EPG5: variants seen among roughly 807,000 people sequenced by gnomAD.
EPG5 encodes the protein ectopic P-granules 5 autophagy tethering factor.
A neutral mutation model predicts 302.7 loss-of-function variants in EPG5; 159 were observed. The ratio of observed to expected loss-of-function variants is 0.53; its 90% CI spans 0.46 to 0.60. EPG5 has a LOEUF of 0.60. EPG5 is among the 20% of genes least tolerant of loss of function. The pLI, the probability that EPG5 is intolerant of heterozygous loss-of-function variation, is 0.00. For synonymous variants in EPG5, 1,158 were observed against 1,136.8 expected (o/e 1.02, Z -0.37); for missense variants, 2,896 against 3,092.4 (o/e 0.94, Z 1.51).
At chr18:45,835,440 C>T in the EPG5 span, among the ~76,000 whole-genome samples, 2 of 151,966 alleles carry the variant, frequency 1.3e-5, no homozygotes, top group African/African-American at 4.8e-5. Context: ...ACACAAGGGC[C>T]AAAGTAACTA....
At chr18:45,876,122 A>C in intron 35 of EPG5, 114 bp downstream of exon 35, 1 of 689,808 alleles carries the variant, frequency 1.4e-6, no homozygotes. Flanking sequence ...ACTTTTCTTC[A>C]GTCACAAATA....
chr18:45,882,515 T>C (rs777903806), intron 30 of EPG5, 28 bp from the exon 31 acceptor site: 1 of 1,580,698 alleles, frequency 6.3e-7, no homozygotes, highest in South Asian at 1.1e-5. Context: ...CAAAAAGCCG[T>C]TTTATTTGCA....
the EPG5 span, among the ~76,000 whole-genome samples, chr18:45,810,305 A>T: frequency 6.6e-6 from 1 of 152,144 alleles, no homozygotes; most frequent in Admixed American, 6.6e-5. Context: ...ATTGGTACCA[A>T]TCCTATTGAC....
chr18:45,817,495 G>T, the EPG5 span, among the ~76,000 whole-genome samples: 2 of 152,222 alleles, frequency 1.3e-5, no homozygotes, highest in Non-Finnish European at 2.9e-5. Flanking sequence ...CAACTTAGCT[G>T]AGTGGCTGGG....
intron 28 of EPG5, among the ~76,000 whole-genome samples, chr18:45,888,439 G>A (rs932347683): frequency 4.6e-5 from 7 of 152,152 alleles, no homozygotes; most frequent in Non-Finnish European, 7.4e-5. Context: ...AAGGAACTGG[G>A]ATTACAGGCA....
chr18:45,835,827 C>T, the EPG5 span, among the ~76,000 whole-genome samples: 1 of 152,100 alleles, frequency 6.6e-6, no homozygotes, highest in South Asian at 2.1e-4. Context: ...CACCTGGAGC[C>T]CCCAGGCTCA....
At chr18:45,801,955 T>C in the EPG5 span, among the ~76,000 whole-genome samples, 1 of 152,138 alleles carries the variant, frequency 6.6e-6, no homozygotes, top group South Asian at 2.1e-4. Flanking sequence ...CTGAGGGCTC[T>C]CTGGGTCCTG....
In EPG5 at chr18:45,912,156, CAGAG is replaced by C. The variant is rs67738770; in HGVS notation, c.3983+130_3983+133del. Reference sequence around the variant, plus strand: ...GTCTAATAAATGTCAAACATAGAGACAGAGAAAGAGTCCTCACCAGAGATCACCA... The same window carrying C: ...GTCTAATAAATGTCAAACATAGAGACAAAGAGTCCTCACCAGAGATCACCA... On this transcript the variant is annotated intron_variant, in intron 22 of 43. Coordinates refer to ENST00000282041, the MANE Select transcript of EPG5 (RefSeq NM_020964.3). 433,361 of 816,672 alleles carry C rather than the reference CAGAG, an allele frequency of 0.53. 115,820 individuals carry two copies. The highest frequency in any genetic ancestry group is 0.57 in the Non-Finnish European group (317,291 of 561,354). 50.6% of individuals were successfully genotyped at this position (816,672 alleles called of 1,614,324 possible). A position where few individuals can be genotyped will look rare whatever the true frequency, so the allele number is the denominator to read the frequency against.
In EPG5 at chr18:45,894,858, G is replaced by A. The variant is rs185767417; in HGVS notation, c.4809+4546C>T. On this transcript the variant is annotated intron_variant, in intron 27 of 43. Transcript: ENST00000282041. Reference sequence around the variant, plus strand: ...ATAACAGATTATGAAGGGCGCTAAGGGTCATATTCCTTTTGATACTGCCAA... The same window carrying A: ...ATAACAGATTATGAAGGGCGCTAAGAGTCATATTCCTTTTGATACTGCCAA... 1.7e-3 allele frequency among the ~76,000 whole-genome samples: 257 copies of A among 152,200 alleles called. 3 individuals carry two copies. The highest frequency in any genetic ancestry group is 5.7e-3 in the African/African-American group (236 of 41,530).
At chr18:45,922,088 C>T (rs114597050) in intron 16 of EPG5, among the ~76,000 whole-genome samples, 113 of 151,994 alleles carry the variant, frequency 7.4e-4, no homozygotes, top group African/African-American at 2.5e-3. Flanking sequence ...ACTGCTGACA[C>T]GAACATTCCA....
chr18:45,965,657 T>C (rs2051232214), intron 1 of EPG5, among the ~76,000 whole-genome samples: 1 of 152,216 alleles, frequency 6.6e-6, no homozygotes, highest in Non-Finnish European at 1.5e-5. Context: ...GTACTTGTAA[T>C]ACCATCCTCC....
intron 1 of EPG5, among the ~76,000 whole-genome samples, chr18:45,966,774 G>A (rs1479884092): frequency 2.6e-5 from 4 of 152,182 alleles, no homozygotes; most frequent in Non-Finnish European, 2.9e-5. Flanking sequence ...GCGTGGAGGA[G>A]GGGAACATTC....
intron 27 of EPG5, among the ~76,000 whole-genome samples, chr18:45,893,389 A>C: frequency 6.6e-6 from 1 of 151,706 alleles, no homozygotes. Context: ...ACATGATTAA[A>C]CTCCATCTCT....
Position 45,916,087 on chromosome 18 carries a change from G to A in EPG5, c.3504C>T (p.Leu1168=). 1 of 1,614,140 alleles carries A rather than the reference G, an allele frequency of 6.2e-7. No homozygotes were observed. Among genetic ancestry groups the A allele is most frequent in the Non-Finnish European group, 8.5e-7 (1 of 1,180,028 alleles). ...LWYREQPILF[L]MDHLCKAAFQ... ...AAGCTGCTTTACACAAGTGGTCCATGAGGAAGAGGATAGGTTGTTCTCGGT... is the reference window on the plus strand; with the variant it reads ...AAGCTGCTTTACACAAGTGGTCCATAAGGAAGAGGATAGGTTGTTCTCGGT... The change falls in exon 19 of 44, where the codon CTC becomes CTT. Residue 1168 remains leucine (L), a synonymous_variant. Coordinates refer to ENST00000282041, the MANE Select transcript of EPG5 (RefSeq NM_020964.3).
chr18:45,818,173 A>C, the EPG5 span, among the ~76,000 whole-genome samples: 1 of 152,190 alleles, frequency 6.6e-6, no homozygotes, highest in Non-Finnish European at 1.5e-5. Flanking sequence ...GGGTATTTAA[A>C]TACTTGACCA....
rs1344860554 is a variant in EPG5, at chr18:45,858,622, C to A, written c.7170G>T (p.Arg2390Ser). ...AGATGAGCAGCACTTTCATTTCATT[C>A]CTTAAAGTCTGTTCGCTGTTTAAAC... ...LQCLNSEQTLRNEMKVLLILS... is the reference protein window; with the variant it reads ...LQCLNSEQTLSNEMKVLLILS... Residue 2390 changes from arginine (R) to serine (S), a missense_variant, in exon 41 of 44, where the codon AGG becomes AGT. Physicochemically the swap from Arg to Ser is moderately radical, Grantham distance 110 (BLOSUM62 -1). Around this residue, in one of 5 missense-constraint regions of EPG5, gnomAD observed 620 missense variants for 704.2 expected, o/e 0.88. Transcript: ENST00000282041. 6.2e-7 allele frequency: 1 copy of A among 1,614,044 alleles called. No individual in the cohort carries two copies. The highest frequency in any genetic ancestry group is 8.5e-7 in the Non-Finnish European group (1 of 1,180,048).
rs10607646 is a variant in EPG5 at position 45,849,081 on chromosome 18, C to CAAAAA, written c.*3381_*3385dup. The CAAAAA allele has an allele frequency of 1.3e-5, 1 of 74,612 alleles. No individual in the cohort carries two copies. The allele number at this position is 74,612 out of a possible 1,614,324, so 4.6% of individuals were successfully genotyped here. A position where few individuals can be genotyped will look rare whatever the true frequency, so the allele number is the denominator to read the frequency against. On this transcript the variant is annotated 3_prime_UTR_variant, in exon 44 of 44. Transcript: ENST00000282041. ...CCTGGGTGACAGATGAGACTCGTCT[C>CAAAAA]AAAAAAAAAAAAAAAAAAAAGACAT...
chr18:45,884,936 C>T (rs2049185780), intron 29 of EPG5, 125 bp from the exon 30 acceptor site: 1 of 597,430 alleles, frequency 1.7e-6, no homozygotes, highest in African/African-American at 2.0e-5. Flanking sequence ...AAGTCTGAAA[C>T]AATCAAAAGA....
chr18:45,879,828 AG>A (rs1226745357), intron 32 of EPG5, among the ~76,000 whole-genome samples: 11 of 152,154 alleles, frequency 7.2e-5, no homozygotes, highest in African/African-American at 2.7e-4. Context: ...CCGATGGGCT[AG>A]GGTGGGCAGG....
Sources: gnomAD v4.1 joint callset for allele counts (sites outside exome capture counted in the v4.1 genomes callset) on GRCh38, gnomAD v4.1.1 for gene constraint, gnomAD v4.1.1 regional missense constraint, MANE v1.5 for transcripts, NCBI Gene and HGNC (gene_info 2026-07-23, HGNC 2026-07-21) for gene names.